Variants in DNAH11 observed in about 807,000 individuals in gnomAD.
DNAH11 encodes the protein axonemal beta dynein heavy chain 11.
Under a neutral mutation model 526.0 loss-of-function variants are expected in DNAH11, and 442 were observed. That is an observed-to-expected ratio of 0.84 (90% confidence interval 0.78 to 0.91). The LOEUF (loss-of-function observed/expected upper bound fraction) is 0.91, where lower values mean the gene tolerates loss of function less well. Among genes scored for constraint, DNAH11 ranks in the 40% least tolerant of loss-of-function variants. DNAH11 has a pLI of 0.00. For synonymous variants in DNAH11, 2,461 were observed against 1,935.9 expected (o/e 1.27, Z -7.12); for missense variants, 6,989 against 5,448.7 (o/e 1.28, Z -8.90).
At chr7:21,877,021 G>A (rs978272604) in intron 74 of DNAH11, among the ~76,000 whole-genome samples, 1 of 152,168 alleles carries the variant, frequency 6.6e-6, no homozygotes, top group Admixed American at 6.5e-5. Flanking sequence ...GGGGTGTTCT[G>A]TGTTGCTGCT....
intron 74 of DNAH11, among the ~76,000 whole-genome samples, chr7:21,879,744 T>A (rs1450954156): frequency 6.6e-6 from 1 of 152,104 alleles, no homozygotes; most frequent in East Asian, 1.9e-4. Flanking sequence ...CATACCTAAC[T>A]CAAGTTTTCC....
chr7:21,642,817 C>A (rs1787187074), intron 28 of DNAH11, among the ~76,000 whole-genome samples: 1 of 151,984 alleles, frequency 6.6e-6, no homozygotes, highest in Admixed American at 6.6e-5. Flanking sequence ...GTCTGATAAC[C>A]ACTACAACCG....
At chr7:21,726,956 T>C (rs1172796700) in intron 45 of DNAH11, among the ~76,000 whole-genome samples, 2 of 122,136 alleles carry the variant, frequency 1.6e-5, no homozygotes, top group Non-Finnish European at 3.4e-5. Context: ...TTTTTTGAGA[T>C]GGAGTCTCGC....
chr7:21,772,645 A>G (rs1446171368), intron 55 of DNAH11, among the ~76,000 whole-genome samples: 4 of 152,174 alleles, frequency 2.6e-5, no homozygotes, highest in African/African-American at 4.8e-5. Context: ...AATATTTGGA[A>G]TTTATATCAC....
Position 21,711,931 on chromosome 7 carries a change from G to C in DNAH11, c.6983+71G>C, listed in dbSNP as rs577024455. On this transcript the variant is annotated intron_variant, in intron 42 of 81. Transcript: ENST00000409508. ...AACATTTACCATTTTCATAATTTTT[G>C]CTTAAGCACATTCATGTTGTTGCAC... 56 of 1,529,158 alleles carry C rather than the reference G, an allele frequency of 3.7e-5. No individual in the cohort carries two copies. In the East Asian group the frequency reaches 1.4e-3, roughly 37 times the overall value. 94.7% of individuals were successfully genotyped at this position (1,529,158 alleles called of 1,614,324 possible).
At chr7:21,890,837 T>G (rs1440394606) in intron 76 of DNAH11, among the ~76,000 whole-genome samples, 9 of 152,296 alleles carry the variant, frequency 5.9e-5, no homozygotes, top group African/African-American at 2.2e-4. Context: ...TCCAACTTCT[T>G]CCTTCCCATA....
At position 21,700,470 on chromosome 7, in the gene DNAH11, T is replaced by A. The variant is rs888236029; in HGVS notation, c.6181-2240T>A. 3.3e-5 allele frequency among the ~76,000 whole-genome samples: 5 copies of A among 152,292 alleles called. No individual in the cohort carries two copies. In the East Asian group the frequency reaches 9.7e-4, roughly 29 times the overall value. ...TTAAATGTTTAGCAGAGGCACCAAG[T>A]CCTCTGAAATCTGTGGTCCAAAATT... On this transcript the variant is annotated intron_variant, in intron 36 of 81. Coordinates refer to ENST00000409508, the MANE Select transcript of DNAH11 (RefSeq NM_001277115.2).
Position 21,591,225 on chromosome 7 carries a change from A to G in DNAH11, c.2315A>G (p.Lys772Arg), listed in dbSNP as rs1489275422. Residue 772 changes from lysine (K) to arginine (R), a missense_variant, in exon 14 of 82, where the codon AAA becomes AGA. Lys to Arg is a conservative substitution (Grantham distance 26). Coordinates refer to ENST00000409508, the MANE Select transcript of DNAH11 (RefSeq NM_001277115.2). ...NLDLLVQGYNKLKQTLLEVEY... is the reference protein window; with the variant it reads ...NLDLLVQGYNRLKQTLLEVEY... ...GACCTTCTTGTGCAAGGGTATAATA[A>G]ACTCAAACAGACGCTCCTGGAAGTT... The G allele has an allele frequency of 6.3e-7, 1 of 1,575,972 alleles. No homozygotes were observed. Among genetic ancestry groups the G allele is most frequent in the Non-Finnish European group, 8.6e-7 (1 of 1,162,526 alleles).
rs145989816 is a variant in DNAH11 at position 21,693,568 on chromosome 7, TAATC to T, written c.6041+2689_6041+2692del. Among the ~76,000 whole-genome samples, 1,295 of 152,352 alleles carry T rather than the reference TAATC, an allele frequency of 8.5e-3. 104 individuals are homozygous for T. The East Asian group carries it at 0.2, about 23-fold the overall frequency. On this transcript the variant is annotated intron_variant, in intron 35 of 81. Coordinates refer to ENST00000409508, the MANE Select transcript of DNAH11 (RefSeq NM_001277115.2). ...TTACTCCTGAAGTATTTGATTGAAT[TAATC>T]AGTTAGGCCATTTGGACCTAGAGAT...
At chr7:21,825,221 C>T (rs1790228650) in intron 65 of DNAH11, among the ~76,000 whole-genome samples, 2 of 152,060 alleles carry the variant, frequency 1.3e-5, no homozygotes, top group Non-Finnish European at 2.9e-5. Flanking sequence ...ATTTATTTAG[C>T]GTTCTTATTG....
At chr7:21,666,366 G>A (rs1347307726) in intron 30 of DNAH11, among the ~76,000 whole-genome samples, 2 of 152,086 alleles carry the variant, frequency 1.3e-5, no homozygotes, top group Non-Finnish European at 1.5e-5. Flanking sequence ...TGGTAGGAAA[G>A]TTTCTCCACT....
intron 65 of DNAH11, among the ~76,000 whole-genome samples, chr7:21,819,677 C>G (rs1402542477): frequency 6.6e-6 from 1 of 152,106 alleles, no homozygotes; most frequent in Admixed American, 6.5e-5. Flanking sequence ...TTTGATGACT[C>G]TTATTACATA....
intron 25 of DNAH11, among the ~76,000 whole-genome samples, chr7:21,627,247 C>T (rs1324912280): frequency 6.6e-6 from 1 of 152,100 alleles, no homozygotes; most frequent in Non-Finnish European, 1.5e-5. Flanking sequence ...TTAATTGTTT[C>T]TATTGCTGTG....
Position 21,599,923 on chromosome 7 carries a change from A to G in DNAH11, c.2804A>G (p.Glu935Gly). The G allele has an allele frequency of 6.2e-7, 1 of 1,613,660 alleles. No homozygotes were observed. Among genetic ancestry groups the G allele is most frequent in the African/African-American group, 1.3e-5 (1 of 75,042 alleles). Residue 935 changes from glutamate to glycine, a missense_variant, in exon 15 of 82, where the codon GAG (glutamate) becomes GGG (glycine). Physicochemically the swap from Glu to Gly is moderately conservative, Grantham distance 98. Coordinates refer to ENST00000409508, the MANE Select transcript of DNAH11 (RefSeq NM_001277115.2). The part of the protein sequence containing the change: ...HDLDFFLKNT[E>G]KQLKPAPFFQ... ...TTAGACTTCTTTCTGAAGAATACAG[A>G]GAAACAATTGAAACCGGCACCGTTT... is the stretch of plus-strand genomic sequence containing the variant.
chr7:21,543,161 G>A lies in DNAH11; in HGVS notation c.-85G>A. 14 of 1,440,562 alleles carry A rather than the reference G, an allele frequency of 9.7e-6. No individual in the cohort carries two copies. In the South Asian group the frequency reaches 1.8e-4, roughly 18 times the overall value. 89.2% of individuals were successfully genotyped at this position (1,440,562 alleles called of 1,614,324 possible). A position where few individuals can be genotyped will look rare whatever the true frequency, so the allele number is the denominator to read the frequency against. On this transcript the variant is annotated 5_prime_UTR_variant, in exon 1 of 82. Transcript: ENST00000409508. ...CGACCGCGGAGGAGGGTGGGCGCCT[G>A]CGGAGGTGTCCTCGCTCACTTCGGG...
chr7:21,878,313 A>C (rs912728505), intron 74 of DNAH11, among the ~76,000 whole-genome samples: 3 of 152,226 alleles, frequency 2.0e-5, no homozygotes, highest in Admixed American at 2.0e-4. Context: ...AGTCATTTAT[A>C]TAAAGTACAG....
At chr7:21,847,687 T>C (rs1254559936) in intron 66 of DNAH11, among the ~76,000 whole-genome samples, 1 of 152,188 alleles carries the variant, frequency 6.6e-6, no homozygotes, top group African/African-American at 2.4e-5. Flanking sequence ...ATCCGGTTGA[T>C]TGATGATGAT....
intron 54 of DNAH11, among the ~76,000 whole-genome samples, chr7:21,758,976 G>A (rs971596165): frequency 3.3e-5 from 5 of 152,124 alleles, no homozygotes; most frequent in African/African-American, 7.2e-5. Flanking sequence ...GACACAATTC[G>A]AATACGGGGC....
At chr7:21,619,009 T>C (rs1225671777) in intron 23 of DNAH11, 91 bp from the exon 24 acceptor site, 1 of 1,527,846 alleles carries the variant, frequency 6.5e-7, no homozygotes, top group Middle Eastern at 1.7e-4. Context: ...CTTGAGTATA[T>C]TTTAGTTAAG....
Sources: gnomAD v4.1 joint callset for allele counts (sites outside exome capture counted in the v4.1 genomes callset) on GRCh38, gnomAD v4.1.1 for gene constraint, MANE v1.5 for transcripts, NCBI Gene and HGNC (gene_info 2026-07-23, HGNC 2026-07-21) for gene names.